The following NEO1 variants were observed in gnomAD, a reference collection of about 807,000 sequenced individuals.
NEO1 encodes neogenin.
Under a neutral mutation model 159.7 loss-of-function variants are expected in NEO1, and 63 were observed. The ratio of observed to expected loss-of-function variants is 0.39; its 90% CI spans 0.32 to 0.49. NEO1 has a LOEUF of 0.49. Among genes scored for constraint, NEO1 ranks in the 20% least tolerant of loss-of-function variants. NEO1 has a pLI of 0.85. For synonymous variants in NEO1, 633 were observed against 662.0 expected (o/e 0.96, Z 0.67); for missense variants, 1,615 against 1,831.0 (o/e 0.88, Z 2.15).
intron 1 of NEO1, among the ~76,000 whole-genome samples, chr15:73,076,300 A>G (rs765507089): frequency 6.6e-6 from 1 of 152,180 alleles, no homozygotes; most frequent in African/African-American, 2.4e-5. Flanking sequence ...AGAAAATGAC[A>G]TTTAGTATAT....
At position 73,165,374 on chromosome 15, in the gene NEO1, G is replaced by GAAAATGAT. The variant is rs547217998; in HGVS notation, c.1016-11024_1016-11017dup. Among the ~76,000 whole-genome samples the GAAAATGAT allele has an allele frequency of 2.1e-3, 318 of 152,112 alleles. 1 individual carries two copies. The highest frequency in any genetic ancestry group is 7.3e-3 in the African/African-American group (303 of 41,484). On this transcript the variant is annotated intron_variant, in intron 5 of 28. Transcript: ENST00000261908. ...GAGTACTTTTCACCTTCTTAACTTT[G>GAAAATGAT]AAAATGATAAAAAGGAAAGTAGAGA...
chr15:73,131,197 A>G (rs1041105668), intron 4 of NEO1, among the ~76,000 whole-genome samples: 1 of 152,232 alleles, frequency 6.6e-6, no homozygotes, highest in African/African-American at 2.4e-5. Context: ...CATCATGCCA[A>G]GAACCAGGAA....
At chr15:73,180,698 C>G (rs1295223164) in intron 7 of NEO1, among the ~76,000 whole-genome samples, 1 of 152,142 alleles carries the variant, frequency 6.6e-6, no homozygotes, top group African/African-American at 2.4e-5. Context: ...GGGCTTTCCT[C>G]TGAAAATATT....
chr15:73,176,273 C>A (rs1473002893), intron 5 of NEO1, 130 bp from the exon 6 acceptor site: 3 of 504,142 alleles, frequency 6.0e-6, no homozygotes, highest in African/African-American at 2.0e-5. Flanking sequence ...TATGCTTTTG[C>A]AAAAATATGT....
chr15:73,201,166 ATTTC>A (rs2036859960), intron 7 of NEO1, among the ~76,000 whole-genome samples: 2 of 150,812 alleles, frequency 1.3e-5, no homozygotes, highest in Non-Finnish European at 3.0e-5. Context: ...TCTGTTTTCA[ATTTC>A]ATTTATTTCT....
In NEO1 at chr15:73,180,044, G is replaced by A. The variant is rs189057804; in HGVS notation, c.1291+1617G>A. On this transcript the variant is annotated intron_variant, in intron 7 of 28. Transcript: ENST00000261908. Reference sequence around the variant, plus strand: ...ACAGTTCTGTGTTAAATTGATAAGGGTACCTGTTGGGTGCATTATTCATTT... The same window carrying A: ...ACAGTTCTGTGTTAAATTGATAAGGATACCTGTTGGGTGCATTATTCATTT... Among the ~76,000 whole-genome samples, 7 of 152,136 alleles carry A rather than the reference G, an allele frequency of 4.6e-5. 1 individual carries two copies. The East Asian group carries it at 1.4e-3, about 29-fold the overall frequency.
chr15:73,293,365 TTC>T (rs2042230957), intron 25 of NEO1, 23 bp from the exon 26 acceptor site: 3 of 1,612,712 alleles, frequency 1.9e-6, no homozygotes, highest in Admixed American at 1.7e-5. Flanking sequence ...TGTTAAGCAT[TTC>T]TCTGTCTTGT....
In NEO1 at chr15:73,277,971, A is replaced by G. The variant is rs560984375; in HGVS notation, c.3194-160A>G. The stretch of plus-strand genomic sequence containing the variant: ...AGCTATACCTTAGTTTGCTTTCCAC[A>G]CATAGACTATAGATTCCCATGATTT... On this transcript the variant is annotated intron_variant, in intron 21 of 28. Coordinates refer to ENST00000261908, the MANE Select transcript of NEO1 (RefSeq NM_002499.4). Among the ~76,000 whole-genome samples the G allele has an allele frequency of 2.6e-5, 4 of 152,330 alleles. No homozygotes were observed. In the East Asian group the frequency reaches 5.8e-4, roughly 22 times the overall value.
intron 4 of NEO1, among the ~76,000 whole-genome samples, chr15:73,132,037 A>G (rs2151722675): frequency 6.6e-6 from 1 of 152,310 alleles, no homozygotes; most frequent in South Asian, 2.1e-4. Flanking sequence ...ATTTCCTGGC[A>G]GGTTCTTTTG....
At chr15:73,290,263 C>T (rs1483984244) in intron 25 of NEO1, among the ~76,000 whole-genome samples, 2 of 99,996 alleles carry the variant, frequency 2.0e-5, no homozygotes, top group Admixed American at 1.7e-4. Flanking sequence ...GAGACAGAGT[C>T]AGAGTCTTGC....
intron 4 of NEO1, among the ~76,000 whole-genome samples, chr15:73,128,555 A>G (rs2030641977): frequency 6.6e-6 from 1 of 152,208 alleles, no homozygotes; most frequent in Non-Finnish European, 1.5e-5. Flanking sequence ...TGCTGGGAAT[A>G]GAGTAGTGAA....
chr15:73,179,312 CTT>C lies in NEO1; in HGVS notation c.1291+889_1291+890del, dbSNP rs1230987229. ...ATAGAGCCCTCAGGAAGAGGCCCCTCTTTTTACGGATGAGATCCAGACCCTGT... is the reference window on the plus strand; with the variant it reads ...ATAGAGCCCTCAGGAAGAGGCCCCTCTTTACGGATGAGATCCAGACCCTGT... On this transcript the variant is annotated intron_variant, in intron 7 of 28. Transcript: ENST00000261908. Among the ~76,000 whole-genome samples the C allele has an allele frequency of 2.6e-5, 4 of 152,272 alleles. No homozygotes were observed. In the East Asian group the frequency reaches 7.7e-4, roughly 29 times the overall value.
chr15:73,257,308 T>C (rs747863264), intron 13 of NEO1, among the ~76,000 whole-genome samples: 22 of 151,394 alleles, frequency 1.5e-4, no homozygotes, highest in African/African-American at 5.3e-4. Flanking sequence ...ATGAGGAGAT[T>C]ATTCATTTTC....
chr15:73,259,170 G>T (rs1196625834), intron 14 of NEO1: 2 of 250,654 alleles, frequency 8.0e-6, no homozygotes, highest in Admixed American at 4.8e-5. Context: ...TAAAATTTAA[G>T]GCTGAGCCAC....
At chr15:73,268,809 GAGA>G (rs1401938086) in intron 16 of NEO1, among the ~76,000 whole-genome samples, 2 of 152,194 alleles carry the variant, frequency 1.3e-5, no homozygotes, top group African/African-American at 2.4e-5. Context: ...TCTGGCCTCA[GAGA>G]AGGTGTCTGT....
chr15:73,275,998 C>T (rs1403667428), intron 21 of NEO1, among the ~76,000 whole-genome samples: 1 of 152,202 alleles, frequency 6.6e-6, no homozygotes, highest in African/African-American at 2.4e-5. Flanking sequence ...AATGTGTTTG[C>T]ATTCAGTGAG....
At chr15:73,066,057 A>T (rs1389214924) in intron 1 of NEO1, among the ~76,000 whole-genome samples, 2 of 131,936 alleles carry the variant, frequency 1.5e-5, no homozygotes, top group African/African-American at 2.7e-5. Flanking sequence ...TTTGAGACGG[A>T]GTCTTGCTCT....
At chr15:73,168,170 C>T (rs778997853) in intron 5 of NEO1, among the ~76,000 whole-genome samples, 4 of 151,812 alleles carry the variant, frequency 2.6e-5, no homozygotes, top group African/African-American at 9.7e-5. Context: ...TCAGGAAATG[C>T]TTCTTTAAGG....
chr15:73,101,965 C>A (rs2070425550), intron 1 of NEO1, among the ~76,000 whole-genome samples: 1 of 152,188 alleles, frequency 6.6e-6, no homozygotes, highest in Non-Finnish European at 1.5e-5. Flanking sequence ...AAAGTTATCT[C>A]TATCCTTGCT....
Sources: gnomAD v4.1 joint callset for allele counts (sites outside exome capture counted in the v4.1 genomes callset) on GRCh38, gnomAD v4.1.1 for gene constraint, MANE v1.5 for transcripts, NCBI Gene and HGNC (gene_info 2026-07-23, HGNC 2026-07-21) for gene names.